The following MON2 variants were observed in gnomAD, a reference collection of about 807,000 sequenced individuals.
The protein encoded by MON2 is MON2 regulator of endosome-to-Golgi trafficking, also known as protein MON2 homolog.
In MON2, 84 loss-of-function variants were observed where a neutral mutation model predicts 208.6. The observed-to-expected ratio is 0.40, with a 90% CI of 0.34 to 0.48. The LOEUF (loss-of-function observed/expected upper bound fraction) is 0.48, where lower values mean the gene tolerates loss of function less well. Ranked by LOEUF, MON2 falls within the 20% of genes least tolerant of loss-of-function variation. The probability of loss-of-function intolerance (pLI) is 0.59; values close to 1 mark genes in which losing one functional copy is unlikely to be tolerated. For missense variants in MON2, 1,611 were observed against 2,015.4 expected (o/e 0.80, Z 3.84); for synonymous variants, 660 against 694.0 (o/e 0.95, Z 0.77).
In MON2 at chr12:62,525,935, T is replaced by G; in HGVS notation, c.1247-14T>G. 1 of 1,608,514 alleles carries G rather than the reference T, an allele frequency of 6.2e-7. No homozygotes were observed. Among genetic ancestry groups the G allele is most frequent in the Non-Finnish European group, 8.5e-7 (1 of 1,177,492 alleles). The stretch of plus-strand genomic sequence containing the variant: ...AATTAGTGTCTTTTCTTTTTTTCCC[T>G]TCTTCTCTAACAGGAAACAATAATT... On this transcript the variant is annotated splice_polypyrimidine_tract_variant and intron_variant, in intron 10 of 34. Transcript: ENST00000393630.
chr12:62,507,734 A>G (rs2071178260), intron 7 of MON2, among the ~76,000 whole-genome samples: 1 of 152,116 alleles, frequency 6.6e-6, no homozygotes, highest in South Asian at 2.1e-4. Flanking sequence ...TTAAACTTAT[A>G]TTCTTTCAAA....
At position 62,592,773 on chromosome 12, in the gene MON2, A is replaced by C; in HGVS notation, c.*24A>C. 1 of 1,534,570 alleles carries C rather than the reference A, an allele frequency of 6.5e-7. No individual in the cohort carries two copies. The highest frequency in any genetic ancestry group is 8.9e-7 in the Non-Finnish European group (1 of 1,125,578). On this transcript the variant is annotated 3_prime_UTR_variant, in exon 35 of 35. Transcript: ENST00000393630. ...GACCGGCTACAATATATTTGAAAGC[A>C]GGAAGATAGTCTAAAAAATGTTTGC...
At position 62,544,891 on chromosome 12, in the gene MON2, C is replaced by T. The variant is rs1032326452; in HGVS notation, c.2467-7C>T. 1 of 1,601,120 alleles carries T rather than the reference C, an allele frequency of 6.2e-7. No homozygotes were observed. Among genetic ancestry groups the T allele is most frequent in the South Asian group, 1.1e-5 (1 of 89,054 alleles). ...TACAAATTAAACTTAATTTTATATA[C>T]CTTCAGGTCTGCCAGCATCCAAACT... On this transcript the variant is annotated splice_polypyrimidine_tract_variant and splice_region_variant and intron_variant, in intron 20 of 34. Transcript: ENST00000393630.
chr12:62,536,899 G>A (rs2073004650), intron 14 of MON2, among the ~76,000 whole-genome samples: 1 of 151,920 alleles, frequency 6.6e-6, no homozygotes, highest in African/African-American at 2.4e-5. Context: ...ATGTTGGCCA[G>A]GCTGGCCTTG....
Position 62,593,526 on chromosome 12 carries a change from TGGAGCTTTGAAATATA to T in MON2, c.*780_*795del, listed in dbSNP as rs2075458149. 6.6e-6 allele frequency: 1 copy of T among 152,606 alleles called. No individual in the cohort carries two copies. The highest frequency in any genetic ancestry group is 2.4e-5 in the African/African-American group (1 of 41,454). The allele number at this position is 152,606 out of a possible 1,614,324, so 9.5% of individuals were successfully genotyped here. A position where few individuals can be genotyped will look rare whatever the true frequency, so the allele number is the denominator to read the frequency against. ...CAAATAGTTTATGATTTGCTGATTT[TGGAGCTTTGAAATATA>T]GGTTCTTAATACATTGATACATATT... On this transcript the variant is annotated 3_prime_UTR_variant, in exon 35 of 35. Coordinates refer to ENST00000393630, the MANE Select transcript of MON2 (RefSeq NM_015026.3).
intron 8 of MON2, chr12:62,508,917 A>G (rs547522339): frequency 6.3e-6 from 1 of 158,318 alleles, no homozygotes; most frequent in African/African-American, 2.4e-5. Flanking sequence ...ACAGTCCAAT[A>G]TTGTATCTGT....
intron 26 of MON2, among the ~76,000 whole-genome samples, chr12:62,563,096 C>T (rs1170631954): frequency 2.6e-5 from 4 of 152,128 alleles, no homozygotes; most frequent in South Asian, 4.1e-4. Flanking sequence ...CCGGGGCTGC[C>T]GGAGTTGCAC....
At position 62,595,743 on chromosome 12, in the gene MON2, A is replaced by G. The variant is rs894077298; in HGVS notation, c.*2994A>G. The G allele has an allele frequency of 6.6e-6, 1 of 152,208 alleles. No homozygotes were observed. Among genetic ancestry groups the G allele is most frequent in the African/African-American group, 2.4e-5 (1 of 41,456 alleles). The allele number at this position is 152,208 out of a possible 1,614,324, so 9.4% of individuals were successfully genotyped here. A position where few individuals can be genotyped will look rare whatever the true frequency, so the allele number is the denominator to read the frequency against. ...TAATTTTATTGTATACATTTGTAAC[A>G]TTTATTAGGAGCCTTTTAGGTTCCA... On this transcript the variant is annotated 3_prime_UTR_variant, in exon 35 of 35. Coordinates refer to ENST00000393630, the MANE Select transcript of MON2 (RefSeq NM_015026.3).
At position 62,553,146 on chromosome 12, in the gene MON2, A is replaced by C; in HGVS notation, c.3182A>C (p.His1061Pro). The change falls in exon 24 of 35, where the codon CAT becomes CCT. Residue 1061 changes from histidine to proline, a missense_variant. His to Pro is a moderately conservative substitution (Grantham distance 77). Coordinates refer to ENST00000393630, the MANE Select transcript of MON2 (RefSeq NM_015026.3). ...GGTGCGCATGGAACTTTATTACAGC[A>C]TTCAACCTGGCACACTGTTATCTGG... is the stretch of plus-strand genomic sequence containing the variant. ...TIGAHGTLLQHSTWHTVIWKV... is the reference protein window; with the variant it reads ...TIGAHGTLLQPSTWHTVIWKV... 6.2e-7 allele frequency: 1 copy of C among 1,614,166 alleles called. No homozygotes were observed.
At chr12:62,538,541 C>G in intron 19 of MON2, 36 bp downstream of exon 19, 1 of 1,321,820 alleles carries the variant, frequency 7.6e-7, no homozygotes, top group Non-Finnish European at 1.1e-6. Context: ...AGATATGATA[C>G]ATTAGTTATA....
intron 27 of MON2, 145 bp from the exon 28 acceptor site, chr12:62,565,865 CTTTG>C (rs547452589): frequency 3.4e-4 from 227 of 664,480 alleles, no homozygotes; most frequent in African/African-American, 3.1e-3. Context: ...CAAATTTTAA[CTTTG>C]TTTAAGTAAA....
Position 62,594,246 on chromosome 12 carries a change from A to T in MON2, c.*1497A>T, listed in dbSNP as rs1480450164. 2 of 152,174 alleles carry T rather than the reference A, an allele frequency of 1.3e-5. No individual in the cohort carries two copies. 9.4% of individuals were successfully genotyped at this position (152,174 alleles called of 1,614,324 possible). ...ATTTCAGCTTCTCCAGAATAATCAT[A>T]AAACTGCAAAAAGATATTATAATTG... On this transcript the variant is annotated 3_prime_UTR_variant, in exon 35 of 35. Coordinates refer to ENST00000393630, the MANE Select transcript of MON2 (RefSeq NM_015026.3).
chr12:62,532,297 G>A, intron 11 of MON2, 141 bp from the exon 12 acceptor site: 1 of 662,770 alleles, frequency 1.5e-6, no homozygotes, highest in Non-Finnish European at 2.6e-6. Context: ...TTCCCTAAAT[G>A]AAAGAAATTT....
In MON2 at chr12:62,507,356, C is replaced by T. The variant is rs142252745; in HGVS notation, c.790-930C>T. ...TGTGAGATAGGGTCTTGCTCCATTG[C>T]CCAGATTGGAGTACAGTGGTGTGAT... is the stretch of plus-strand genomic sequence containing the variant. On this transcript the variant is annotated intron_variant, in intron 7 of 34. Coordinates refer to ENST00000393630, the MANE Select transcript of MON2 (RefSeq NM_015026.3). Among the ~76,000 whole-genome samples, 700 of 149,534 alleles carry T rather than the reference C, an allele frequency of 4.7e-3. 7 individuals are homozygous for T. Among genetic ancestry groups the T allele is most frequent in the African/African-American group, 0.016 (649 of 40,640 alleles).
At chr12:62,478,639 T>C (rs139521157) in intron 1 of MON2, among the ~76,000 whole-genome samples, 1 of 152,374 alleles carries the variant, frequency 6.6e-6, no homozygotes, top group Admixed American at 6.5e-5. Context: ...TGATTGTATT[T>C]ATATATACAT....
chr12:62,523,180 A>C (rs1194206588), intron 8 of MON2, among the ~76,000 whole-genome samples: 3 of 152,178 alleles, frequency 2.0e-5, no homozygotes, highest in African/African-American at 7.2e-5. Context: ...AGTCACTAGC[A>C]TGGGTCTTTC....
At chr12:62,564,505 A>C (rs569589210) in intron 26 of MON2, among the ~76,000 whole-genome samples, 1 of 152,172 alleles carries the variant, frequency 6.6e-6, no homozygotes, top group East Asian at 1.9e-4. Context: ...TAGAAAAAAA[A>C]ACCCAATTTA....
At chr12:62,538,710 T>C (rs1190813433) in intron 19 of MON2, among the ~76,000 whole-genome samples, 3 of 152,168 alleles carry the variant, frequency 2.0e-5, no homozygotes, top group African/African-American at 7.2e-5. Flanking sequence ...ATATGTCATA[T>C]GATTTTAAGT....
rs576436802 is a variant in MON2, at chr12:62,517,691, A to G, written c.985-6824A>G. Reference sequence around the variant, plus strand: ...AGAACCTGAACACGCTAACATCTCTATCTCATATTTCCAGCCTCCAGAATT... The same window carrying G: ...AGAACCTGAACACGCTAACATCTCTGTCTCATATTTCCAGCCTCCAGAATT... On this transcript the variant is annotated intron_variant, in intron 8 of 34. Transcript: ENST00000393630. 3.3e-5 allele frequency among the ~76,000 whole-genome samples: 5 copies of G among 152,186 alleles called. No individual in the cohort carries two copies. In the East Asian group the frequency reaches 5.8e-4, roughly 18 times the overall value.
Sources: allele counts gnomAD v4.1 joint callset (sites outside exome capture counted in the v4.1 genomes callset), GRCh38; gene constraint gnomAD v4.1.1; transcripts MANE v1.5; gene names NCBI Gene and HGNC (gene_info 2026-07-23, HGNC 2026-07-21).